Variants in AUTS2 observed in about 807,000 individuals in gnomAD.
AUTS2 encodes autism susceptibility gene 2 protein.
Under a neutral mutation model 112.4 loss-of-function variants are expected in AUTS2, and 17 were observed. The ratio of observed to expected loss-of-function variants is 0.15; its 90% CI spans 0.10 to 0.23. The LOEUF is 0.23. AUTS2 is among the 10% of genes least tolerant of loss of function. AUTS2 has a pLI of 1.00. For synonymous variants in AUTS2, 751 were observed against 702.7 expected (o/e 1.07, Z -1.09); for missense variants, 1,510 against 1,701.6 (o/e 0.89, Z 1.98).
chr7:70,153,195 GA>G (rs1445082554), intron 4 of AUTS2, among the ~76,000 whole-genome samples: 1 of 152,100 alleles, frequency 6.6e-6, no homozygotes, highest in African/African-American at 2.4e-5. Context: ...CTTAATGAAT[GA>G]AAATTTGGTA....
At chr7:69,990,321 A>G (rs1295146184) in intron 2 of AUTS2, among the ~76,000 whole-genome samples, 2 of 152,188 alleles carry the variant, frequency 1.3e-5, no homozygotes, top group Non-Finnish European at 2.9e-5. Context: ...GGGAAGGGAA[A>G]TATGCTTACC....
intron 5 of AUTS2, among the ~76,000 whole-genome samples, chr7:70,622,287 C>T (rs920721708): frequency 3.3e-5 from 5 of 152,188 alleles, no homozygotes; most frequent in African/African-American, 1.2e-4. Context: ...CTTATATTCT[C>T]TCCTGCCTGA....
At chr7:70,671,099 T>G (rs1563116370) in intron 5 of AUTS2, among the ~76,000 whole-genome samples, 1 of 151,728 alleles carries the variant, frequency 6.6e-6, no homozygotes, top group Non-Finnish European at 1.5e-5. Flanking sequence ...TTGAACCTGG[T>G]GGGGGGATGG....
intron 4 of AUTS2, among the ~76,000 whole-genome samples, chr7:70,383,262 C>G (rs1424585114): frequency 2.6e-5 from 4 of 152,030 alleles, no homozygotes; most frequent in African/African-American, 9.7e-5. Flanking sequence ...TGCAAGTGAG[C>G]AGTCTGTCAT....
rs144512363 is a variant in AUTS2 at position 70,022,043 on chromosome 7, C to G, written c.523-96089C>G. Among the ~76,000 whole-genome samples the G allele has an allele frequency of 4.6e-5, 7 of 151,086 alleles. No homozygotes were observed. In the East Asian group the frequency reaches 1.4e-3, roughly 29 times the overall value. On this transcript the variant is annotated intron_variant, in intron 2 of 18. Coordinates refer to ENST00000342771, the MANE Select transcript of AUTS2 (RefSeq NM_015570.4). ...TTTAAAAGGTGTTTGTGGTGAGAGTCAACCTGTGATTAACTTAATAGCATG... is the reference window on the plus strand; with the variant it reads ...TTTAAAAGGTGTTTGTGGTGAGAGTGAACCTGTGATTAACTTAATAGCATG...
At chr7:70,275,380 C>T (rs1293163509) in intron 4 of AUTS2, among the ~76,000 whole-genome samples, 1 of 152,080 alleles carries the variant, frequency 6.6e-6, no homozygotes, top group African/African-American at 2.4e-5. Flanking sequence ...CAAAAAGTCA[C>T]CAGGAACTGG....
intron 2 of AUTS2, among the ~76,000 whole-genome samples, chr7:70,005,177 C>A (rs1799490193): frequency 6.6e-6 from 1 of 152,006 alleles, no homozygotes; most frequent in African/African-American, 2.4e-5. Flanking sequence ...CTCTAGGAAG[C>A]ACATCCAGCT....
chr7:70,402,537 C>T (rs1356525056), intron 4 of AUTS2, among the ~76,000 whole-genome samples: 1 of 152,140 alleles, frequency 6.6e-6, no homozygotes, highest in East Asian at 1.9e-4. Context: ...GAAACGATTC[C>T]AAGGTTCCAG....
rs537066057 is a variant in AUTS2 at position 70,034,890 on chromosome 7, G to A, written c.523-83242G>A. Among the ~76,000 whole-genome samples the A allele has an allele frequency of 2.6e-5, 4 of 152,166 alleles. No individual in the cohort carries two copies. The South Asian group carries it at 8.3e-4, about 32-fold the overall frequency. ...CTCTATCATCAGGCTGGAGTGCAGTGGCATAATTACAGCTCAGTACAGCCT... is the reference window on the plus strand; with the variant it reads ...CTCTATCATCAGGCTGGAGTGCAGTAGCATAATTACAGCTCAGTACAGCCT... On this transcript the variant is annotated intron_variant, in intron 2 of 18. Transcript: ENST00000342771.
chr7:70,036,908 A>G (rs1417554078), intron 2 of AUTS2, among the ~76,000 whole-genome samples: 4 of 152,252 alleles, frequency 2.6e-5, no homozygotes, highest in Non-Finnish European at 5.9e-5. Context: ...GCAAAAGGCA[A>G]CAGGTTCTTT....
At chr7:70,069,717 T>G (rs1289458051) in intron 2 of AUTS2, among the ~76,000 whole-genome samples, 2 of 151,422 alleles carry the variant, frequency 1.3e-5, no homozygotes, top group African/African-American at 2.4e-5. Flanking sequence ...TGTTTTTTTT[T>G]TTTTCCTGTC....
intron 4 of AUTS2, among the ~76,000 whole-genome samples, chr7:70,354,936 A>G (rs1028182918): frequency 6.6e-6 from 1 of 151,270 alleles, no homozygotes; most frequent in Non-Finnish European, 1.5e-5. Flanking sequence ...CTTGCCTTAT[A>G]TTTCTATTAG....
intron 5 of AUTS2, among the ~76,000 whole-genome samples, chr7:70,535,495 A>G (rs1464510904): frequency 6.6e-6 from 1 of 151,782 alleles, no homozygotes; most frequent in African/African-American, 2.4e-5. Flanking sequence ...GCTCACTGCA[A>G]CCTCCGCCTC....
chr7:70,510,222 C>T (rs1238269883), intron 5 of AUTS2, among the ~76,000 whole-genome samples: 3 of 152,244 alleles, frequency 2.0e-5, no homozygotes, highest in Non-Finnish European at 2.9e-5. Flanking sequence ...TCCTCTGCTT[C>T]TCCATTCTGG....
At chr7:70,437,942 G>C (rs1299408799) in intron 5 of AUTS2, 1 of 151,702 alleles carries the variant, frequency 6.6e-6, no homozygotes, top group Non-Finnish European at 1.5e-5. Context: ...CCTTGTAAAT[G>C]TCTTCACCAG....
At chr7:70,022,890 C>T (rs371880492) in intron 2 of AUTS2, among the ~76,000 whole-genome samples, 6 of 151,758 alleles carry the variant, frequency 4.0e-5, no homozygotes, top group South Asian at 2.1e-4. Flanking sequence ...CTTGCTTTCT[C>T]GCCCAGGCCG....
At chr7:70,718,684 C>A (rs1045886810) in intron 6 of AUTS2, among the ~76,000 whole-genome samples, 27 of 152,028 alleles carry the variant, frequency 1.8e-4, no homozygotes, top group Non-Finnish European at 3.4e-4. Context: ...AACAAACAAA[C>A]AAAAAAACCC....
intron 5 of AUTS2, among the ~76,000 whole-genome samples, chr7:70,633,006 A>G (rs1318263331): frequency 6.6e-6 from 1 of 151,642 alleles, no homozygotes; most frequent in African/African-American, 2.4e-5. Flanking sequence ...GAAAAAAAAA[A>G]GTTGGTCTGG....
chr7:69,826,667 C>T (rs571086925), intron 1 of AUTS2, among the ~76,000 whole-genome samples: 1 of 152,276 alleles, frequency 6.6e-6, no homozygotes, highest in South Asian at 2.1e-4. Context: ...TCTGATCTTG[C>T]CTCTCCAAAA....
Sources: allele counts gnomAD v4.1 joint callset (sites outside exome capture counted in the v4.1 genomes callset), GRCh38; gene constraint gnomAD v4.1.1; transcripts MANE v1.5; gene names NCBI Gene and HGNC (gene_info 2026-07-23, HGNC 2026-07-21).